Variants in SEC61A1 observed in about 807,000 individuals in gnomAD.
The protein encoded by SEC61A1 is protein transport protein Sec61 subunit alpha isoform 1.
SEC61A1 carries 15 observed loss-of-function variants against 55.2 expected under a neutral mutation model. The ratio of observed to expected loss-of-function variants is 0.27; its 90% CI spans 0.18 to 0.42. The LOEUF is 0.42. SEC61A1 is among the 10% of genes least tolerant of loss of function. The pLI, the probability that SEC61A1 is intolerant of heterozygous loss-of-function variation, is 1.00. For synonymous variants in SEC61A1, 247 were observed against 234.0 expected (o/e 1.06, Z -0.51); for missense variants, 284 against 602.6 (o/e 0.47, Z 5.53).
intron 8 of SEC61A1, 107 bp from the exon 9 acceptor site, chr3:128,066,847 G>A (rs1011208838): frequency 1.6e-4 from 169 of 1,059,558 alleles, no homozygotes; most frequent in Middle Eastern, 9.1e-4. Flanking sequence ...CAGCACACAG[G>A]ATTTCCTCCC....
chr3:128,056,898 A>C, intron 5 of SEC61A1, 58 bp downstream of exon 5: 2 of 1,307,806 alleles, frequency 1.5e-6, no homozygotes, highest in Non-Finnish European at 2.0e-6. Context: ...ATTTGCTATA[A>C]GATTTTGGTA....
chr3:128,054,499 T>A (rs1186948021), intron 2 of SEC61A1, among the ~76,000 whole-genome samples: 3 of 152,358 alleles, frequency 2.0e-5, no homozygotes, highest in African/African-American at 7.2e-5. Context: ...ATCTGAACAC[T>A]GATTCACCCA....
Position 128,064,927 on chromosome 3 carries a change from C to T in SEC61A1, c.667C>T (p.Arg223Cys). 1.9e-6 allele frequency: 3 copies of T among 1,613,990 alleles called. No individual in the cohort carries two copies. The highest frequency in any genetic ancestry group is 2.5e-6 in the Non-Finnish European group (3 of 1,179,872). ...CGCACTTTTCCATCTGCTGGCCACA[C>T]GCACAGACAAGGTCCGAGCCCTTCG... ...IIALFHLLAT[R>C]TDKVRALREA... Residue 223 changes from arginine to cysteine, a missense_variant, in exon 8 of 12, where the codon CGC (arginine) becomes TGC (cysteine). Arg to Cys is a radical substitution (Grantham distance 180). Transcript: ENST00000243253.
rs534397545 is a variant in SEC61A1 at position 128,067,932 on chromosome 3, A to G, written c.1168-51A>G. ...CTGTTCAGTACCACTTGGAATGCCT[A>G]TTTCCCCTTCAGCCTCCAATTCCAA... On this transcript the variant is annotated intron_variant, in intron 10 of 11. Coordinates refer to ENST00000243253, the MANE Select transcript of SEC61A1 (RefSeq NM_013336.4). The surrounding 1 kb of genome is among the most constrained non-coding windows in gnomAD (Gnocchi z 4.1). The G allele has an allele frequency of 3.1e-5, 45 of 1,454,920 alleles. No individual in the cohort carries two copies. The South Asian group carries it at 4.4e-4, about 14-fold the overall frequency. 90.1% of individuals were successfully genotyped at this position (1,454,920 alleles called of 1,614,324 possible).
At chr3:128,061,957 G>A (rs2107645294) in intron 7 of SEC61A1, among the ~76,000 whole-genome samples, 1 of 152,326 alleles carries the variant, frequency 6.6e-6, no homozygotes, top group African/African-American at 2.4e-5. Flanking sequence ...CCAGAGTTTG[G>A]AAGAAGTGAT....
chr3:128,066,360 G>A (rs1203453444), intron 8 of SEC61A1, among the ~76,000 whole-genome samples: 1 of 151,868 alleles, frequency 6.6e-6, no homozygotes, highest in Non-Finnish European at 1.5e-5. Flanking sequence ...GATGTAATGT[G>A]ATAGGCTCTG....
chr3:128,060,636 C>T lies in SEC61A1; in HGVS notation c.591C>T (p.Ser197=). The part of the protein sequence containing the change: ...ICETIVWKAF[S]PTTVNTGRGM... ...AAACCATCGTATGGAAGGCATTCAGCCCCACTACTGTCAACACTGGCCGAG... is the reference window on the plus strand; with the variant it reads ...AAACCATCGTATGGAAGGCATTCAGTCCCACTACTGTCAACACTGGCCGAG... The change falls in exon 7 of 12, where the codon AGC becomes AGT. Residue 197 remains serine, a synonymous_variant. Coordinates refer to ENST00000243253, the MANE Select transcript of SEC61A1 (RefSeq NM_013336.4). 4.3e-6 allele frequency: 7 copies of T among 1,614,198 alleles called. No homozygotes were observed. Among genetic ancestry groups the T allele is most frequent in the Non-Finnish European group, 4.2e-6 (5 of 1,180,022 alleles).
intron 1 of SEC61A1, 25 bp from the exon 2 acceptor site, chr3:128,052,810 T>C (rs1553720873): frequency 6.2e-7 from 1 of 1,605,310 alleles, no homozygotes; most frequent in South Asian, 1.1e-5. Context: ...TCCCAACTCT[T>C]CCTGTTTTGT....
At chr3:128,069,350 CT>C (rs1942083742) in intron 11 of SEC61A1, 125 bp from the exon 12 acceptor site, 1 of 904,710 alleles carries the variant, frequency 1.1e-6, no homozygotes, top group East Asian at 2.4e-5. Context: ...TAGTAGATGA[CT>C]TTCTAGGAGA....
At position 128,056,679 on chromosome 3, in the gene SEC61A1, T is replaced by C. The variant is rs761778093; in HGVS notation, c.221-30T>C. 8.0e-6 allele frequency: 12 copies of C among 1,491,578 alleles called. 1 individual carries two copies. Among genetic ancestry groups the C allele is most frequent in the South Asian group, 6.9e-5 (5 of 72,244 alleles). The allele number at this position is 1,491,578 out of a possible 1,614,324, so 92.4% of individuals were successfully genotyped here. Reference sequence around the variant, plus strand: ...AACGTACTACGTTTCCAAGCTGATATTGACTGTTTTGCTTCCCCGTTTCCT... The same window carrying C: ...AACGTACTACGTTTCCAAGCTGATACTGACTGTTTTGCTTCCCCGTTTCCT... On this transcript the variant is annotated intron_variant, in intron 4 of 11. Coordinates refer to ENST00000243253, the MANE Select transcript of SEC61A1 (RefSeq NM_013336.4).
At chr3:128,052,657 C>G in intron 1 of SEC61A1, 98 bp downstream of exon 1, 1 of 1,543,674 alleles carries the variant, frequency 6.5e-7, no homozygotes, top group Admixed American at 2.1e-5. Flanking sequence ...CCCTGACCGG[C>G]CCCCTGCAGA....
intron 2 of SEC61A1, among the ~76,000 whole-genome samples, chr3:128,054,814 T>G: frequency 6.6e-6 from 1 of 152,118 alleles, no homozygotes; most frequent in Non-Finnish European, 1.5e-5. Flanking sequence ...GTTCCCACTC[T>G]ACTCTTTAGT....
chr3:128,069,588 A>G lies in SEC61A1; in HGVS notation c.1357A>G (p.Ile453Val), dbSNP rs1559800207. Residue 453 changes from isoleucine (I) to valine (V), a missense_variant, in exon 12 of 12, where the codon ATC becomes GTC. Transcript: ENST00000243253. ...AACCGGGATCCTGCTCGCAGTCACA[A>G]TCATCTACCAGTACTTTGAGATCTT... is the stretch of plus-strand genomic sequence containing the variant. ...SGTGILLAVT[I>V]IYQYFEIFVK... The G allele has an allele frequency of 1.2e-6, 2 of 1,614,100 alleles. No homozygotes were observed. Among genetic ancestry groups the G allele is most frequent in the African/African-American group, 1.3e-5 (1 of 75,024 alleles).
At chr3:128,064,629 C>T in intron 7 of SEC61A1, 1 of 471,032 alleles carries the variant, frequency 2.1e-6, no homozygotes, top group Non-Finnish European at 3.8e-6. Flanking sequence ...GCCTAGGCAG[C>T]CGAGAGAGAG....
At position 128,052,536 on chromosome 3, in the gene SEC61A1, C is replaced by T. The variant is rs1283870458; in HGVS notation, c.-17C>T. On this transcript the variant is annotated 5_prime_UTR_variant, in exon 1 of 12. Transcript: ENST00000243253. ...AGCTGAGCTGAAGCGGGACCCGGAGCCCGAGCAGCCGCCGCCATGGCAAGT... is the reference window on the plus strand; with the variant it reads ...AGCTGAGCTGAAGCGGGACCCGGAGTCCGAGCAGCCGCCGCCATGGCAAGT... 5.6e-6 allele frequency: 9 copies of T among 1,596,804 alleles called. No individual in the cohort carries two copies. The highest frequency in any genetic ancestry group is 7.7e-6 in the Non-Finnish European group (9 of 1,172,666).
rs79698029 is a variant in SEC61A1 at position 128,052,796 on chromosome 3, T to A, written c.8-39T>A. On this transcript the variant is annotated intron_variant, in intron 1 of 11. Transcript: ENST00000243253. ...TGGGTAGCGCGGAAGGTTACTTCTC[T>A]GTGTCCCAACTCTTCCTGTTTTGTT... 2.7e-3 allele frequency: 4,257 copies of A among 1,587,920 alleles called. 95 individuals are homozygous for A. The African/African-American group carries it at 0.048, about 18-fold the overall frequency.
chr3:128,069,666 C>G lies in SEC61A1; in HGVS notation c.*4C>G, dbSNP rs771626900. The G allele has an allele frequency of 6.2e-7, 1 of 1,613,618 alleles. No individual in the cohort carries two copies. On this transcript the variant is annotated 3_prime_UTR_variant, in exon 12 of 12. Coordinates refer to ENST00000243253, the MANE Select transcript of SEC61A1 (RefSeq NM_013336.4). ...CATGGGGGCCCTGCTCTTCTGAGCC[C>G]GTCTCCCGGACAGGTTGAGGAAGCT...
rs990977451 is a variant in SEC61A1 at position 128,067,520 on chromosome 3, G to C, written c.1075G>C (p.Val359Leu). 5.0e-6 allele frequency: 8 copies of C among 1,614,036 alleles called. No homozygotes were observed. The African/African-American group carries it at 6.7e-5, about 13-fold the overall frequency. Residue 359 changes from valine to leucine, a missense_variant, in exon 10 of 12, where the codon GTC becomes CTC. Val to Leu is a conservative substitution (Grantham distance 32, BLOSUM62 1). Transcript: ENST00000243253. This position sits in a 1 kb window ranked among gnomAD's most constrained non-coding sequence, Gnocchi z 4.1. The stretch of plus-strand genomic sequence containing the variant: ...TTTTGGCTCCGTGTTAGAAGACCCG[G>C]TCCATGCAGTTGTATACATAGTGTT... ...ESFGSVLEDP[V>L]HAVVYIVFML...
chr3:128,052,949 G>A, intron 2 of SEC61A1, 47 bp downstream of exon 2: 2 of 1,463,618 alleles, frequency 1.4e-6, no homozygotes, highest in Non-Finnish European at 1.9e-6. Context: ...GAAACTGTCT[G>A]GACTCTGGAA....
Sources: gnomAD v4.1 joint callset for allele counts (sites outside exome capture counted in the v4.1 genomes callset) on GRCh38, gnomAD v4.1.1 for gene constraint, Gnocchi (gnomAD v3.1) non-coding constraint, MANE v1.5 for transcripts, NCBI Gene and HGNC (gene_info 2026-07-23, HGNC 2026-07-21) for gene names.